The following NAMPT variants were observed in gnomAD, a reference collection of about 807,000 sequenced individuals.
NAMPT encodes NAmPRTase.
Under a neutral mutation model 58.7 loss-of-function variants are expected in NAMPT, and 7 were observed. That is an observed-to-expected ratio of 0.12 (90% CI 0.07 to 0.22). NAMPT has a LOEUF of 0.22. Among genes scored for constraint, NAMPT ranks in the 10% least tolerant of loss-of-function variants. The probability of loss-of-function intolerance (pLI) is 1.00; values close to 1 mark genes in which losing one functional copy is unlikely to be tolerated. For missense variants in NAMPT, 271 were observed against 567.9 expected, an observed-to-expected ratio of 0.48 and a Z score of 5.31; for synonymous variants, 145 against 198.1, an observed-to-expected ratio of 0.73 and a Z score of 2.25.
chr7:106,276,111 T>A (rs1792633554), intron 2 of NAMPT: 2 of 152,246 alleles, frequency 1.3e-5, no homozygotes, highest in African/African-American at 2.4e-5. Context: ...TAGCTAGGTT[T>A]TCAGTAGTAT....
chr7:106,283,345 G>A (rs534837276), intron 1 of NAMPT, among the ~76,000 whole-genome samples: 12 of 152,016 alleles, frequency 7.9e-5, no homozygotes, highest in Non-Finnish European at 1.6e-4. Flanking sequence ...CATTCCTTAT[G>A]TATAATGGTT....
intron 1 of NAMPT, among the ~76,000 whole-genome samples, chr7:106,283,115 G>GA (rs1032403257): frequency 9.2e-5 from 14 of 151,844 alleles, no homozygotes; most frequent in Non-Finnish European, 1.3e-4. Context: ...GACTTTTGGG[G>GA]AAAAAATGAA....
intron 6 of NAMPT, among the ~76,000 whole-genome samples, chr7:106,263,880 C>G (rs1022535557): frequency 6.6e-6 from 1 of 151,648 alleles, no homozygotes; most frequent in Non-Finnish European, 1.5e-5. Context: ...AACCAATTAT[C>G]TGTGTGTGTG....
chr7:106,253,266 T>C (rs1000312532), intron 9 of NAMPT, 115 bp from the exon 10 acceptor site: 47 of 1,079,360 alleles, frequency 4.4e-5, no homozygotes, highest in Non-Finnish European at 5.8e-5. Context: ...AAGCACTTAA[T>C]AGGTATAACT....
chr7:106,259,413 T>C (rs1258202131), intron 8 of NAMPT, among the ~76,000 whole-genome samples: 1 of 152,176 alleles, frequency 6.6e-6, no homozygotes, highest in East Asian at 1.9e-4. Context: ...CCCTTTCAGC[T>C]ACAGACTTAA....
In NAMPT at chr7:106,256,508, A is replaced by G. The variant is rs116229916; in HGVS notation, c.1090-2004T>C. Among the ~76,000 whole-genome samples, 1,446 of 152,346 alleles carry G rather than the reference A, an allele frequency of 9.5e-3. 32 individuals carry two copies. The highest frequency in any genetic ancestry group is 0.033 in the African/African-American group (1,379 of 41,566). On this transcript the variant is annotated intron_variant, in intron 8 of 10. Transcript: ENST00000222553. ...AATTCTTTTTCCTGCTTCTAAGAAC[A>G]TATTTTTCATACCAATGAATGTAAA...
intron 4 of NAMPT, among the ~76,000 whole-genome samples, chr7:106,270,580 T>C (rs1792513437): frequency 6.6e-6 from 1 of 152,210 alleles, no homozygotes; most frequent in African/African-American, 2.4e-5. Flanking sequence ...TGATTCGCTT[T>C]TGACGAACAG....
intron 8 of NAMPT, 84 bp from the exon 9 acceptor site, chr7:106,254,588 A>C: frequency 6.9e-7 from 1 of 1,441,016 alleles, no homozygotes; most frequent in Middle Eastern, 1.8e-4. Context: ...AATATTGATG[A>C]ATGAAGCATC....
At chr7:106,266,994 T>C (rs1199030534) in intron 6 of NAMPT, among the ~76,000 whole-genome samples, 1 of 152,226 alleles carries the variant, frequency 6.6e-6, no homozygotes, top group Non-Finnish European at 1.5e-5. Context: ...TCAGCCCTTA[T>C]TCTCTAAACA....
intron 8 of NAMPT, among the ~76,000 whole-genome samples, chr7:106,259,718 G>A (rs1483436263): frequency 1.3e-5 from 2 of 152,072 alleles, no homozygotes; most frequent in African/African-American, 2.4e-5. Flanking sequence ...CACCACACCC[G>A]GCCAAGAATA....
chr7:106,259,678 C>T (rs1792269666), intron 8 of NAMPT, among the ~76,000 whole-genome samples: 2 of 152,128 alleles, frequency 1.3e-5, no homozygotes, highest in South Asian at 4.1e-4. Context: ...CTGTCTCGGT[C>T]TCCCAAAGTG....
chr7:106,285,086 C>T (rs1442989825), upstream of NAMPT: 5 of 1,347,744 alleles, frequency 3.7e-6, no homozygotes, highest in African/African-American at 7.5e-5. Context: ...ACGGCTGCGG[C>T]GGCTCGCGTG....
intron 3 of NAMPT, 30 bp downstream of exon 3, chr7:106,274,916 A>G: frequency 6.8e-7 from 1 of 1,461,886 alleles, no homozygotes; most frequent in Non-Finnish European, 9.5e-7. Flanking sequence ...GAAAAACCAA[A>G]ACAGATCAAA....
chr7:106,250,074 A>AACTT lies in NAMPT; in HGVS notation c.*1005_*1008dup, dbSNP rs1792080510. The AACTT allele has an allele frequency of 6.6e-6, 1 of 152,424 alleles. No homozygotes were observed. Among genetic ancestry groups the AACTT allele is most frequent in the Non-Finnish European group, 1.5e-5 (1 of 67,984 alleles). 9.4% of individuals were successfully genotyped at this position (152,424 alleles called of 1,614,324 possible). On this transcript the variant is annotated 3_prime_UTR_variant, in exon 11 of 11. Transcript: ENST00000222553. ...TTAATATCCAATTTAATTTTTTAAA[A>AACTT]ACTTAATAAAAAATATAACAGAATT...
intron 1 of NAMPT, 148 bp downstream of exon 1, chr7:106,284,680 C>CGCCCGCGCCTCCCCCGGGCCT (rs1231709864): frequency 2.2e-5 from 22 of 978,782 alleles, no homozygotes; most frequent in African/African-American, 3.5e-5. Flanking sequence ...CAGCCGCCGC[C>CGCCCGCGCCTCCCCCGGGCCT]GCCCGCGCCT....
chr7:106,267,031 T>G (rs796460240), intron 6 of NAMPT, among the ~76,000 whole-genome samples: 8 of 152,356 alleles, frequency 5.3e-5, no homozygotes, highest in African/African-American at 1.7e-4. Flanking sequence ...ATTCTTGTGC[T>G]TTCATCACAA....
In NAMPT at chr7:106,250,595, CAATGT is replaced by C. The variant is rs1309792965; in HGVS notation, c.*483_*487del. The C allele has an allele frequency of 1.3e-5, 2 of 154,116 alleles. No individual in the cohort carries two copies. Among genetic ancestry groups the C allele is most frequent in the Non-Finnish European group, 2.9e-5 (2 of 69,022 alleles). 9.5% of individuals were successfully genotyped at this position (154,116 alleles called of 1,614,324 possible). ...TATTTGCTGATTAATGGACAAAAGG[CAATGT>C]AATTTATTTTCAAGTATTTTCTTGA... On this transcript the variant is annotated 3_prime_UTR_variant, in exon 11 of 11. Coordinates refer to ENST00000222553, the MANE Select transcript of NAMPT (RefSeq NM_005746.3).
In NAMPT at chr7:106,251,291, G is replaced by C. The variant is rs60827481; in HGVS notation, c.1366-98C>G. The C allele has an allele frequency of 1.3e-3, 947 of 741,548 alleles. 8 individuals are homozygous for C. In the African/African-American group the frequency reaches 0.015, roughly 12 times the overall value. The allele number at this position is 741,548 out of a possible 1,614,324, so 45.9% of individuals were successfully genotyped here. On this transcript the variant is annotated intron_variant, in intron 10 of 10. Transcript: ENST00000222553. ...GACTAACCAACCAGTCAAATACAGA[G>C]ATGCCAATGGTGTTCAAATTGTGAG...
At chr7:106,251,368 C>G (rs1174757838) in intron 10 of NAMPT, among the ~76,000 whole-genome samples, 175 bp from the exon 11 acceptor site, 1 of 151,988 alleles carries the variant, frequency 6.6e-6, no homozygotes, top group African/African-American at 2.4e-5. Context: ...TCTAAAATGG[C>G]CAATCACTGA....
Sources: allele counts gnomAD v4.1 joint callset (sites outside exome capture counted in the v4.1 genomes callset), GRCh38; gene constraint gnomAD v4.1.1; transcripts MANE v1.5; gene names NCBI Gene and HGNC (gene_info 2026-07-23, HGNC 2026-07-21).